The following METTL16 variants were observed in gnomAD, a reference collection of about 807,000 sequenced individuals.
METTL16 encodes the protein RNA N(6)-adenosine-methyltransferase METTL16.
METTL16 carries 19 observed loss-of-function variants against 57.9 expected under a neutral mutation model. The observed-to-expected ratio is 0.33, with a 90% CI of 0.23 to 0.48. The LOEUF (loss-of-function observed/expected upper bound fraction) is 0.48, where lower values mean the gene tolerates loss of function less well. METTL16 is among the 20% of genes least tolerant of loss of function. The probability of loss-of-function intolerance (pLI) is 0.99; values close to 1 mark genes in which losing one functional copy is unlikely to be tolerated. For missense variants in METTL16, 434 were observed against 691.5 expected, an observed-to-expected ratio of 0.63 and a Z score of 4.18; for synonymous variants, 246 against 255.6, an observed-to-expected ratio of 0.96 and a Z score of 0.36.
At chr17:2,453,307 G>A (rs1249721669) in intron 6 of METTL16, among the ~76,000 whole-genome samples, 1 of 152,152 alleles carries the variant, frequency 6.6e-6, no homozygotes, top group Admixed American at 6.5e-5. Context: ...AGGCCCCTTA[G>A]GATTGCGAAT....
chr17:2,438,162 G>T lies in METTL16; in HGVS notation c.835C>A (p.Arg279=). The T allele has an allele frequency of 6.2e-7, 1 of 1,613,736 alleles. No homozygotes were observed. The highest frequency in any genetic ancestry group is 1.1e-5 in the South Asian group (1 of 91,032). ...KVTYTEFCQG[R]TMRWALAWSF... ...CAAGCTAAGGCCCATCTCATTGTCC[G>T]ACCTTGACAGAATTCAGTGTACGTT... The change falls in exon 8 of 10, where the codon CGG becomes AGG. Residue 279 remains arginine (R), a synonymous_variant. Transcript: ENST00000263092.
rs571686126 is a variant in METTL16 at position 2,433,539 on chromosome 17, G to A, written c.888+4570C>T. ...GCCAGGCCAGGAACAACATAGGGCC[G>A]TGGCGGGCAGAGTGTCAGAGTGACA... On this transcript the variant is annotated intron_variant, in intron 8 of 9. Coordinates refer to ENST00000263092, the MANE Select transcript of METTL16 (RefSeq NM_024086.4). 1.7e-4 allele frequency among the ~76,000 whole-genome samples: 26 copies of A among 152,328 alleles called. No individual in the cohort carries two copies. The South Asian group carries it at 4.8e-3, about 28-fold the overall frequency.
chr17:2,470,002 A>G (rs2067225706), intron 4 of METTL16, among the ~76,000 whole-genome samples: 2 of 152,222 alleles, frequency 1.3e-5, no homozygotes, highest in Non-Finnish European at 1.5e-5. Context: ...CCCAGGGGAA[A>G]TACAGGGTTA....
intron 4 of METTL16, among the ~76,000 whole-genome samples, chr17:2,471,766 G>A (rs1255887775): frequency 1.3e-5 from 2 of 151,996 alleles, no homozygotes; most frequent in Non-Finnish European, 1.5e-5. Context: ...CCAGCCTGGC[G>A]ACAGAGCGAG....
At chr17:2,453,299 G>A (rs2067084163) in intron 6 of METTL16, among the ~76,000 whole-genome samples, 1 of 152,116 alleles carries the variant, frequency 6.6e-6, no homozygotes, top group Non-Finnish European at 1.5e-5. Flanking sequence ...CCGATACAAG[G>A]CCCCTTAGGA....
At chr17:2,475,570 C>G (rs773867009) in intron 3 of METTL16, among the ~76,000 whole-genome samples, 17 of 152,094 alleles carry the variant, frequency 1.1e-4, no homozygotes, top group Admixed American at 6.6e-4. Context: ...TTTGTCAGCG[C>G]CAAAAAAAGT....
chr17:2,496,528 T>A (rs1287635294), intron 2 of METTL16, among the ~76,000 whole-genome samples: 2 of 151,792 alleles, frequency 1.3e-5, no homozygotes, highest in Non-Finnish European at 2.9e-5. Flanking sequence ...CTGAAAGTTA[T>A]TTATCCACAT....
At chr17:2,442,724 G>T (rs2066962882) in intron 6 of METTL16, among the ~76,000 whole-genome samples, 1 of 152,084 alleles carries the variant, frequency 6.6e-6, no homozygotes, top group African/African-American at 2.4e-5. Context: ...GGTGTGAAGA[G>T]GTATAGAACA....
At chr17:2,495,938 G>A (rs183326479) in intron 2 of METTL16, among the ~76,000 whole-genome samples, 18 of 151,256 alleles carry the variant, frequency 1.2e-4, no homozygotes, top group African/African-American at 4.4e-4. Context: ...GCAAAACCTT[G>A]TCTCTACTAA....
chr17:2,443,134 G>A (rs1254677760), intron 6 of METTL16, among the ~76,000 whole-genome samples: 2 of 151,736 alleles, frequency 1.3e-5, no homozygotes, highest in African/African-American at 2.4e-5. Flanking sequence ...GATTACAAGC[G>A]TGCGCCACCA....
chr17:2,508,298 C>A (rs1215731980), intron 1 of METTL16, among the ~76,000 whole-genome samples: 1 of 152,148 alleles, frequency 6.6e-6, no homozygotes, highest in Admixed American at 6.5e-5. Flanking sequence ...CAGAAAAGAA[C>A]TGTTGTCTTC....
intron 6 of METTL16, among the ~76,000 whole-genome samples, chr17:2,447,624 AG>A: frequency 1.3e-5 from 1 of 77,918 alleles, no homozygotes; most frequent in Admixed American, 1.2e-4. Flanking sequence ...CCGGGAGGTG[AG>A]GGGCGCCTCT....
At position 2,473,306 on chromosome 17, in the gene METTL16, C is replaced by T. The variant is rs144453114; in HGVS notation, c.469+218G>A. The stretch of plus-strand genomic sequence containing the variant: ...AAATAAATAAATTTAGGCAAATAGG[C>T]AAATTCACAAAAAAAGAATCCACAA... On this transcript the variant is annotated intron_variant, in intron 4 of 9. Transcript: ENST00000263092. Among the ~76,000 whole-genome samples the T allele has an allele frequency of 3.7e-3, 561 of 152,106 alleles. 2 individuals carry two copies. The highest frequency in any genetic ancestry group is 5.7e-3 in the Non-Finnish European group (386 of 67,972).
chr17:2,456,332 T>C (rs953132965), intron 6 of METTL16, among the ~76,000 whole-genome samples: 1 of 152,214 alleles, frequency 6.6e-6, no homozygotes, highest in Non-Finnish European at 1.5e-5. Flanking sequence ...GGGTCAAACG[T>C]AGCCATTCAT....
rs1162315563 is a variant in METTL16 at position 2,420,629 on chromosome 17, A to G, written c.1063-33T>C. Reference sequence around the variant, plus strand: ...GAGGAAAAACAGAATTTTGTGGGAAATCACGTTTCCCCTCTCTCCAAACTC... The same window carrying G: ...GAGGAAAAACAGAATTTTGTGGGAAGTCACGTTTCCCCTCTCTCCAAACTC... On this transcript the variant is annotated intron_variant, in intron 9 of 9. Transcript: ENST00000263092. The surrounding 1 kb of genome is among the most constrained non-coding windows in gnomAD (Gnocchi z 5.4). The G allele has an allele frequency of 1.9e-6, 3 of 1,574,922 alleles. No individual in the cohort carries two copies. Among genetic ancestry groups the G allele is most frequent in the South Asian group, 2.4e-5 (2 of 84,754 alleles).
At chr17:2,452,833 G>T (rs922338089) in intron 6 of METTL16, among the ~76,000 whole-genome samples, 1 of 151,936 alleles carries the variant, frequency 6.6e-6, no homozygotes, top group Non-Finnish European at 1.5e-5. Flanking sequence ...TTTTAAAAGC[G>T]TGTATTGTTT....
At position 2,468,256 on chromosome 17, in the gene METTL16, T is replaced by C. The variant is rs576679897; in HGVS notation, c.470-380A>G. Reference sequence around the variant, plus strand: ...TGCTGTTAAGTAAGGTGTGACTGTATGTCCTCAAACTCTTCGACAGTACTC... The same window carrying C: ...TGCTGTTAAGTAAGGTGTGACTGTACGTCCTCAAACTCTTCGACAGTACTC... On this transcript the variant is annotated intron_variant, in intron 4 of 9. Transcript: ENST00000263092. 3.3e-5 allele frequency among the ~76,000 whole-genome samples: 5 copies of C among 152,258 alleles called. No individual in the cohort carries two copies. The South Asian group carries it at 1.0e-3, about 31-fold the overall frequency.
Position 2,429,320 on chromosome 17 carries a change from A to C in METTL16, c.889-8416T>G, listed in dbSNP as rs190619903. Among the ~76,000 whole-genome samples, 363 of 149,068 alleles carry C rather than the reference A, an allele frequency of 2.4e-3. 2 individuals are homozygous for C. Among genetic ancestry groups the C allele is most frequent in the African/African-American group, 8.3e-3 (335 of 40,356 alleles). On this transcript the variant is annotated intron_variant, in intron 8 of 9. Coordinates refer to ENST00000263092, the MANE Select transcript of METTL16 (RefSeq NM_024086.4). ...TCTCCTGCCTCAGCCTCCCAAGTAGATGGGACTACAGGCGTGTATCATCAC... is the reference window on the plus strand; with the variant it reads ...TCTCCTGCCTCAGCCTCCCAAGTAGCTGGGACTACAGGCGTGTATCATCAC...
At chr17:2,493,289 C>T (rs2067415139) in intron 2 of METTL16, among the ~76,000 whole-genome samples, 1 of 151,536 alleles carries the variant, frequency 6.6e-6, no homozygotes, top group South Asian at 2.1e-4. Context: ...TGGGGTTTCA[C>T]TGTGTTAGCC....
Sources: gnomAD v4.1 joint callset for allele counts (sites outside exome capture counted in the v4.1 genomes callset) on GRCh38, gnomAD v4.1.1 for gene constraint, Gnocchi (gnomAD v3.1) non-coding constraint, MANE v1.5 for transcripts, NCBI Gene and HGNC (gene_info 2026-07-23, HGNC 2026-07-21) for gene names.